VEGFC: variants seen among roughly 807,000 people sequenced by gnomAD.
VEGFC encodes FLT4 ligand DHM.
Under a neutral mutation model 46.1 loss-of-function variants are expected in VEGFC, and 12 were observed. The ratio of observed to expected loss-of-function variants is 0.26; its 90% CI spans 0.17 to 0.42. The LOEUF (loss-of-function observed/expected upper bound fraction) is 0.42. Ranked by LOEUF, VEGFC falls within the 10% of genes least tolerant of loss-of-function variation. The probability of loss-of-function intolerance (pLI) is 1.00; values close to 1 mark genes in which losing one functional copy is unlikely to be tolerated. For synonymous variants in VEGFC, 232 were observed against 195.5 expected, an observed-to-expected ratio of 1.19 and a Z score of -1.56; for missense variants, 488 against 529.4, an observed-to-expected ratio of 0.92 and a Z score of 0.77.
intron 4 of VEGFC, among the ~76,000 whole-genome samples, chr4:176,710,740 C>T (rs1277958032): frequency 1.3e-5 from 2 of 152,058 alleles, no homozygotes; most frequent in Non-Finnish European, 2.9e-5. Flanking sequence ...GGGCAGAAAA[C>T]TCTCAGATCT....
At chr4:176,706,625 CAAAAAAAAAAAAAA>C (rs55996370) in intron 4 of VEGFC, among the ~76,000 whole-genome samples, 8 of 63,468 alleles carry the variant, frequency 1.3e-4, no homozygotes, top group Admixed American at 4.7e-4. Context: ...GAATCTGTCT[CAAAAAAAAAAAAAA>C]AAAAAAAAAA....
At chr4:176,741,960 G>T (rs1312950427) in intron 1 of VEGFC, among the ~76,000 whole-genome samples, 1 of 151,844 alleles carries the variant, frequency 6.6e-6, no homozygotes, top group Non-Finnish European at 1.5e-5. Flanking sequence ...TAGTTCCTCT[G>T]TTTTTTGTTT....
chr4:176,689,005 A>G (rs1292960358), intron 4 of VEGFC, among the ~76,000 whole-genome samples: 5 of 152,198 alleles, frequency 3.3e-5, no homozygotes, highest in African/African-American at 9.7e-5. Context: ...ATGTTTTCCT[A>G]GTTAATATTT....
intron 1 of VEGFC, among the ~76,000 whole-genome samples, chr4:176,762,127 A>T (rs1735541143): frequency 6.6e-6 from 1 of 152,140 alleles, no homozygotes; most frequent in Admixed American, 6.5e-5. Flanking sequence ...GAGGCCTGAA[A>T]CTCACCAGGT....
At chr4:176,697,478 G>C (rs1185586726) in intron 4 of VEGFC, among the ~76,000 whole-genome samples, 1 of 152,066 alleles carries the variant, frequency 6.6e-6, no homozygotes, top group African/African-American at 2.4e-5. Context: ...TCAAAAGTCA[G>C]GAAACAACAG....
intron 4 of VEGFC, among the ~76,000 whole-genome samples, chr4:176,692,114 GCC>G: frequency 6.6e-6 from 1 of 152,108 alleles, no homozygotes; most frequent in Non-Finnish European, 1.5e-5. Context: ...CGGCGCACCG[GCC>G]CGGCGCGGTG....
rs190893547 is a variant in VEGFC at position 176,683,898 on chromosome 4, A to G, written c.*28T>C. On this transcript the variant is annotated 3_prime_UTR_variant, in exon 7 of 7. Coordinates refer to ENST00000618562, the MANE Select transcript of VEGFC (RefSeq NM_005429.5). ...GGCAACACAGTTTTCCATAATAGAAAATCGATGAACTGGAAAACAGTACAA... is the reference window on the plus strand; with the variant it reads ...GGCAACACAGTTTTCCATAATAGAAGATCGATGAACTGGAAAACAGTACAA... The G allele has an allele frequency of 6.3e-7, 1 of 1,583,134 alleles. No individual in the cohort carries two copies. The highest frequency in any genetic ancestry group is 2.2e-5 in the East Asian group (1 of 44,700).
intron 3 of VEGFC, among the ~76,000 whole-genome samples, chr4:176,719,150 A>C (rs530586095): frequency 2.3e-4 from 35 of 152,312 alleles, no homozygotes; most frequent in Non-Finnish European, 4.7e-4. Context: ...CCCTTCATTG[A>C]GTCCCATTTT....
intron 3 of VEGFC, among the ~76,000 whole-genome samples, chr4:176,724,270 G>C (rs1217440582): frequency 6.6e-6 from 1 of 152,092 alleles, no homozygotes; most frequent in East Asian, 1.9e-4. Context: ...CTAAAACTGT[G>C]GGGGGAAATG....
chr4:176,725,048 A>G (rs998067247), intron 3 of VEGFC, among the ~76,000 whole-genome samples: 1 of 152,130 alleles, frequency 6.6e-6, no homozygotes, highest in Non-Finnish European at 1.5e-5. Flanking sequence ...TATATTTTTT[A>G]AAAAGCTGCA....
intron 4 of VEGFC, among the ~76,000 whole-genome samples, chr4:176,702,314 G>C (rs1424548529): frequency 1.7e-5 from 2 of 117,002 alleles, no homozygotes; most frequent in African/African-American, 6.5e-5. Flanking sequence ...TTAGCCTTCA[G>C]GCTAGATTTA....
chr4:176,740,085 CTATATATTCTATACATATATTCTATA>C (rs1265479935), intron 1 of VEGFC, among the ~76,000 whole-genome samples: 5 of 82,846 alleles, frequency 6.0e-5, no homozygotes, highest in East Asian at 4.0e-4. Flanking sequence ...ATTATATATT[CTATATATTCTATACATATATTCTATA>C]TATATATTCT....
At chr4:176,750,566 T>C (rs1277495157) in intron 1 of VEGFC, among the ~76,000 whole-genome samples, 1 of 151,760 alleles carries the variant, frequency 6.6e-6, no homozygotes, top group Non-Finnish European at 1.5e-5. Context: ...CTAACATTAC[T>C]ACCTTTAGAT....
chr4:176,687,223 A>C lies in VEGFC; in HGVS notation c.1109T>G (p.Leu370Trp), dbSNP rs573402735. 1 of 1,613,532 alleles carries C rather than the reference A, an allele frequency of 6.2e-7. No individual in the cohort carries two copies. The highest frequency in any genetic ancestry group is 2.2e-5 in the East Asian group (1 of 44,884). Residue 370 changes from leucine (L) to tryptophan (W), a missense_variant, in exon 6 of 7, where the codon TTG (leucine) becomes TGG (tryptophan). Leu to Trp is a moderately conservative substitution (Grantham distance 61). Coordinates refer to ENST00000618562, the MANE Select transcript of VEGFC (RefSeq NM_005429.5). ...CECTESPQKCLLKGKKFHHQT... is the reference protein window; with the variant it reads ...CECTESPQKCWLKGKKFHHQT... ...GTGGTGGAACTTCTTTCCTTTTAAC[A>C]AGCATTTCTGTGGACTTTCTGTACA...
chr4:176,755,582 T>C (rs952065883), intron 1 of VEGFC, among the ~76,000 whole-genome samples: 7 of 152,022 alleles, frequency 4.6e-5, no homozygotes, highest in African/African-American at 1.7e-4. Flanking sequence ...GATAGACTCC[T>C]TGCCTCAATT....
intron 1 of VEGFC, among the ~76,000 whole-genome samples, chr4:176,780,974 C>T (rs1422205126): frequency 6.6e-6 from 1 of 152,102 alleles, no homozygotes; most frequent in Non-Finnish European, 1.5e-5. Context: ...CACAAAGGTA[C>T]ATTTTTCTAA....
rs531687464 is a variant in VEGFC, at chr4:176,688,267, A to G, written c.705-340T>C. ...TTAAAATTTTTTTCCATTATACAAT[A>G]TATCATGGACATTTTTATATGTCAT... On this transcript the variant is annotated intron_variant, in intron 4 of 6. Coordinates refer to ENST00000618562, the MANE Select transcript of VEGFC (RefSeq NM_005429.5). Among the ~76,000 whole-genome samples, 4 of 152,326 alleles carry G rather than the reference A, an allele frequency of 2.6e-5. No homozygotes were observed. In the South Asian group the frequency reaches 6.2e-4, roughly 24 times the overall value.
rs1200453865 is a variant in VEGFC, at chr4:176,764,210, A to G, written c.147+27955T>C. Among the ~76,000 whole-genome samples, 8 of 152,230 alleles carry G rather than the reference A, an allele frequency of 5.3e-5. No individual in the cohort carries two copies. The East Asian group carries it at 1.5e-3, about 29-fold the overall frequency. ...GTAAGAGAGGTGAGCAGACATTATG[A>G]GAGCAACATTTTCCCTTGGGTAATA... On this transcript the variant is annotated intron_variant, in intron 1 of 6. Transcript: ENST00000618562.
At position 176,746,668 on chromosome 4, in the gene VEGFC, C is replaced by T. The variant is rs1579119934; in HGVS notation, c.148-16922G>A. ...GCAAATTAGGGTATATGTGATAACA[C>T]CAAATGCTAAACAGCCTTTTGATTG... On this transcript the variant is annotated intron_variant, in intron 1 of 6. Transcript: ENST00000618562. Among the ~76,000 whole-genome samples, 7 of 152,046 alleles carry T rather than the reference C, an allele frequency of 4.6e-5. No homozygotes were observed. The South Asian group carries it at 1.4e-3, about 31-fold the overall frequency.
Sources: gnomAD v4.1 joint callset for allele counts (sites outside exome capture counted in the v4.1 genomes callset) on GRCh38, gnomAD v4.1.1 for gene constraint, MANE v1.5 for transcripts, NCBI Gene and HGNC (gene_info 2026-07-23, HGNC 2026-07-21) for gene names.